EVC: variants seen among roughly 807,000 people sequenced by gnomAD.
The protein encoded by EVC is EvC ciliary complex subunit 1, also known as evC complex member EVC.
A neutral mutation model predicts 118.9 loss-of-function variants in EVC; 116 were observed. That is an observed-to-expected ratio of 0.98 (90% confidence interval 0.84 to 1.14). EVC has a LOEUF of 1.14. Ranked by LOEUF, EVC falls within the 50% of genes most tolerant of loss-of-function variation. EVC has a pLI of 0.00. For missense variants in EVC, 1,401 were observed against 1,246.4 expected, an observed-to-expected ratio of 1.12 and a Z score of -1.87; for synonymous variants, 619 against 534.7, an observed-to-expected ratio of 1.16 and a Z score of -2.18.
In EVC at chr4:5,756,230, T is replaced by A; in HGVS notation, c.1465-34T>A. The A allele has an allele frequency of 6.5e-7, 1 of 1,538,596 alleles. No homozygotes were observed. The highest frequency in any genetic ancestry group is 8.9e-7 in the Non-Finnish European group (1 of 1,122,414). Reference sequence around the variant, plus strand: ...GAAAAAAAAAAAAAAACCCTGCATGTTTCTACCAGACTCAGCTCTTGTTTT... The same window carrying A: ...GAAAAAAAAAAAAAAACCCTGCATGATTCTACCAGACTCAGCTCTTGTTTT... On this transcript the variant is annotated intron_variant, in intron 10 of 20. Coordinates refer to ENST00000264956, the MANE Select transcript of EVC (RefSeq NM_153717.3). The surrounding 1 kb of genome is among the most constrained non-coding windows in gnomAD (Gnocchi z 4.2).
chr4:5,802,095 G>A lies in EVC; in HGVS notation c.2449+1G>A, dbSNP rs1553893423. 1.3e-6 allele frequency: 2 copies of A among 1,599,486 alleles called. No homozygotes were observed. On this transcript the variant is annotated splice_donor_variant, in intron 16 of 20. Coordinates refer to ENST00000264956, the MANE Select transcript of EVC (RefSeq NM_153717.3). LOFTEE classifies it high-confidence loss of function. ...CTGCAGCACCTGAAGACCCTGCAGG[G>A]TACGGGACCCCCCCTCAGGGAAGCC...
At chr4:5,815,573 A>G (rs369175361), downstream of EVC, among the ~76,000 whole-genome samples, 90 of 152,270 alleles carry the variant, frequency 5.9e-4, no homozygotes, top group South Asian at 0.015. Flanking sequence ...AGACTGGCCA[A>G]TCAGGTATTT....
downstream of EVC, among the ~76,000 whole-genome samples, chr4:5,817,231 G>A (rs1717850990): frequency 2.0e-5 from 3 of 152,226 alleles, no homozygotes; most frequent in Admixed American, 6.5e-5. Context: ...GATGGGGGAG[G>A]GCAGTGGCTA....
intron 12 of EVC, among the ~76,000 whole-genome samples, chr4:5,784,851 G>A (rs1736183173): frequency 6.6e-6 from 1 of 152,044 alleles, no homozygotes; most frequent in Non-Finnish European, 1.5e-5. Flanking sequence ...CAAGTGATCT[G>A]CCCGCCTTAG....
intron 9 of EVC, 129 bp downstream of exon 9, chr4:5,753,181 C>T (rs1730654101): frequency 2.2e-6 from 2 of 908,088 alleles, no homozygotes; most frequent in Non-Finnish European, 3.5e-6. Flanking sequence ...CTTTCTGCTT[C>T]TGCCCTAGGG....
Position 5,798,666 on chromosome 4 carries a change from G to A in EVC, c.2178G>A (p.Leu726=). The A allele has an allele frequency of 6.3e-7, 1 of 1,596,430 alleles. No individual in the cohort carries two copies. The highest frequency in any genetic ancestry group is 8.5e-7 in the Non-Finnish European group (1 of 1,173,706). The change falls in exon 15 of 21, where the codon CTG becomes CTA. Residue 726 remains leucine, a synonymous_variant. Transcript: ENST00000264956. This position sits in a 1 kb window ranked among gnomAD's most constrained non-coding sequence, Gnocchi z 4.1. Reference sequence around the variant, plus strand: ...GGCTGCAGCTCCAGCAGCGGCTCCTGGCCGAGGCCCAGGAGGTGGGGCAGC... The same window carrying A: ...GGCTGCAGCTCCAGCAGCGGCTCCTAGCCGAGGCCCAGGAGGTGGGGCAGC... The part of the protein sequence containing the change: ...QTRLQLQQRL[L]AEAQEVGQLL...
rs536780684 is a variant in EVC at position 5,802,336 on chromosome 4, A to C, written c.2449+242A>C. ...TGTTTTAAGTCGGTCACTCAGGACAAGGATAGGATACTGAGATGGAGTCAG... is the reference window on the plus strand; with the variant it reads ...TGTTTTAAGTCGGTCACTCAGGACACGGATAGGATACTGAGATGGAGTCAG... On this transcript the variant is annotated intron_variant, in intron 16 of 20. Transcript: ENST00000264956. 1.8e-3 allele frequency among the ~76,000 whole-genome samples: 267 copies of C among 152,314 alleles called. 2 individuals are homozygous for C. Among genetic ancestry groups the C allele is most frequent in the African/African-American group, 6.2e-3 (258 of 41,572 alleles).
At position 5,752,923 on chromosome 4, in the gene EVC, C is replaced by G. The variant is rs762412181; in HGVS notation, c.1186C>G (p.Arg396Gly). 5 of 1,614,164 alleles carry G rather than the reference C, an allele frequency of 3.1e-6. No individual in the cohort carries two copies. The Admixed American group carries it at 8.3e-5, about 27-fold the overall frequency. ...GCAAGTCCAGGAGGAGACCAGGTGC[C>G]GGCTGGCTGCCATCTCCCACGGCCT... ...KLQVQEETRC[R>G]LAAISHGLEL... Residue 396 changes from arginine (R) to glycine (G), a missense_variant, in exon 9 of 21, where the codon CGG becomes GGG. Transcript: ENST00000264956.
At chr4:5,736,769 G>A (rs897469610) in intron 5 of EVC, among the ~76,000 whole-genome samples, 3 of 152,170 alleles carry the variant, frequency 2.0e-5, no homozygotes, top group Non-Finnish European at 2.9e-5. Context: ...AATAAATGTT[G>A]TGTGTGTTCT....
At chr4:5,724,410 G>A (rs1725466749) in intron 2 of EVC, among the ~76,000 whole-genome samples, 2 of 152,198 alleles carry the variant, frequency 1.3e-5, no homozygotes, top group African/African-American at 4.8e-5. Flanking sequence ...CCAAGCTCAG[G>A]GACCTTCTCC....
intron 11 of EVC, among the ~76,000 whole-genome samples, chr4:5,781,046 A>T (rs1735531773): frequency 6.6e-6 from 1 of 152,184 alleles, no homozygotes; most frequent in Admixed American, 6.5e-5. Context: ...ATACGGGCAC[A>T]TCTCCTTCCT....
At chr4:5,786,382 T>G (rs1342346837) in intron 12 of EVC, among the ~76,000 whole-genome samples, 2 of 152,186 alleles carry the variant, frequency 1.3e-5, no homozygotes, top group Non-Finnish European at 2.9e-5. Flanking sequence ...GTTTTGAATG[T>G]TTTATTTGTT....
At chr4:5,774,151 C>T (rs1203352613) in intron 11 of EVC, among the ~76,000 whole-genome samples, 1 of 151,892 alleles carries the variant, frequency 6.6e-6, no homozygotes, top group East Asian at 1.9e-4. Context: ...ACACTCTATA[C>T]TTCAGTCCTA....
intron 11 of EVC, among the ~76,000 whole-genome samples, chr4:5,775,156 C>G (rs1734528204): frequency 6.6e-6 from 1 of 152,116 alleles, no homozygotes; most frequent in African/African-American, 2.4e-5. Flanking sequence ...TGACAGTCAA[C>G]TTAAAAATCT....
intron 4 of EVC, among the ~76,000 whole-genome samples, chr4:5,732,747 A>G (rs1727022522): frequency 6.6e-6 from 1 of 152,230 alleles, no homozygotes; most frequent in Non-Finnish European, 1.5e-5. Context: ...ACCATGGCTC[A>G]TGCCTGTAAT....
chr4:5,793,773 A>G, intron 13 of EVC, 56 bp downstream of exon 13: 1 of 1,354,378 alleles, frequency 7.4e-7, no homozygotes, highest in East Asian at 2.5e-5. Flanking sequence ...TGCTCCCTCC[A>G]GCCTCAGTGT....
At position 5,742,586 on chromosome 4, in the gene EVC, A is replaced by T. The variant is rs979615351; in HGVS notation, c.801+772A>T. ...ATCATTCTTTGTCTTTACCACCATC[A>T]TCATCATCCTCATGACCGCTGTCAT... On this transcript the variant is annotated intron_variant, in intron 6 of 20. Coordinates refer to ENST00000264956, the MANE Select transcript of EVC (RefSeq NM_153717.3). The surrounding 1 kb of genome is among the most constrained non-coding windows in gnomAD (Gnocchi z 5.2). Among the ~76,000 whole-genome samples the T allele has an allele frequency of 6.6e-6, 1 of 152,106 alleles. No individual in the cohort carries two copies. The highest frequency in any genetic ancestry group is 1.5e-5 in the Non-Finnish European group (1 of 68,022).
chr4:5,783,422 C>T, intron 11 of EVC, 130 bp from the exon 12 acceptor site: 1 of 868,942 alleles, frequency 1.2e-6, no homozygotes, highest in Non-Finnish European at 1.9e-6. Context: ...ATACGTGTGA[C>T]TTGAGAGTTC....
chr4:5,815,371 C>T (rs1717509517), downstream of EVC, among the ~76,000 whole-genome samples: 1 of 152,126 alleles, frequency 6.6e-6, no homozygotes, highest in Non-Finnish European at 1.5e-5. Context: ...AAAAGCATTC[C>T]AACGTAACGT....
Sources: allele counts gnomAD v4.1 joint callset (sites outside exome capture counted in the v4.1 genomes callset), GRCh38; gene constraint gnomAD v4.1.1; non-coding constraint Gnocchi (gnomAD v3.1); transcripts MANE v1.5; gene names NCBI Gene and HGNC (gene_info 2026-07-23, HGNC 2026-07-21).